Variants in ATXN7L3 observed in about 807,000 individuals in gnomAD.
The protein encoded by ATXN7L3 is ataxin-7-like protein 3.
In ATXN7L3, 6 loss-of-function variants were observed where a neutral mutation model predicts 50.0. That is an observed-to-expected ratio of 0.12 (90% CI 0.07 to 0.24). The LOEUF (loss-of-function observed/expected upper bound fraction) is 0.24. Among genes scored for constraint, ATXN7L3 ranks in the 10% least tolerant of loss-of-function variants. The probability of loss-of-function intolerance (pLI) is 1.00; values close to 1 mark genes in which losing one functional copy is unlikely to be tolerated. For synonymous variants in ATXN7L3, 198 were observed against 165.8 expected (o/e 1.19, Z -1.49); for missense variants, 322 against 451.3 (o/e 0.71, Z 2.60).
At chr17:44,197,768 C>A in intron 2 of ATXN7L3, 38 bp from the exon 3 acceptor site, 1 of 1,613,910 alleles carries the variant, frequency 6.2e-7, no homozygotes, top group Non-Finnish European at 8.5e-7. Context: ...TCACAAGAGT[C>A]ACAGCCCCCT....
At position 44,194,684 on chromosome 17, in the gene ATXN7L3, G is replaced by A; in HGVS notation, c.738-10C>T. ...GACCTCTGGAAGGACACTGGAAAGG[G>A]GATGAGCCAAAGAAGGGCTTTAGAG... On this transcript the variant is annotated splice_polypyrimidine_tract_variant and intron_variant, in intron 11 of 12. Transcript: ENST00000587097. 6.2e-7 allele frequency: 1 copy of A among 1,613,912 alleles called. No individual in the cohort carries two copies. Among genetic ancestry groups the A allele is most frequent in the Non-Finnish European group, 8.5e-7 (1 of 1,179,832 alleles).
At position 44,193,607 on chromosome 17, in the gene ATXN7L3, C is replaced by A. The variant is rs921153782; in HGVS notation, c.*656G>T. On this transcript the variant is annotated 3_prime_UTR_variant, in exon 13 of 13. Coordinates refer to ENST00000587097, the MANE Select transcript of ATXN7L3 (RefSeq NM_001382309.1). ...TTCCTGGCACCCAACAAAAGGACAG[C>A]TCCTGCTGCCAAGGAGGCCCATGGG... is the stretch of plus-strand genomic sequence containing the variant. 6.6e-6 allele frequency: 1 copy of A among 152,228 alleles called. No individual in the cohort carries two copies. The highest frequency in any genetic ancestry group is 1.9e-4 in the East Asian group (1 of 5,184). 9.4% of individuals were successfully genotyped at this position (152,228 alleles called of 1,614,324 possible).
At position 44,194,374 on chromosome 17, in the gene ATXN7L3, C is replaced by A; in HGVS notation, c.933G>T (p.Lys311Asn). Reference sequence around the variant, plus strand: ...TCCCTACCAGGCTCAGATGGGATTTCTTTTTCTTGGTTTTCCGTGACTCAG... The same window carrying A: ...TCCCTACCAGGCTCAGATGGGATTTATTTTTCTTGGTTTTCCGTGACTCAG... ...NSSESRKTKK[K>N]KSHLSLVGTA... is the part of the protein sequence containing the mutation. Residue 311 changes from lysine to asparagine, a missense_variant, in exon 13 of 13, where the codon AAG (lysine) becomes AAT (asparagine). Coordinates refer to ENST00000587097, the MANE Select transcript of ATXN7L3 (RefSeq NM_001382309.1). 6.2e-7 allele frequency: 1 copy of A among 1,614,200 alleles called. No individual in the cohort carries two copies. The highest frequency in any genetic ancestry group is 1.1e-5 in the South Asian group (1 of 91,090).
In ATXN7L3 at chr17:44,194,394, A is replaced by C. The variant is rs1176511456; in HGVS notation, c.913T>G (p.Ser305Ala). The C allele has an allele frequency of 6.2e-7, 1 of 1,614,094 alleles. No individual in the cohort carries two copies. The highest frequency in any genetic ancestry group is 1.7e-5 in the Admixed American group (1 of 60,020). Residue 305 changes from serine (S) to alanine (A), a missense_variant, in exon 13 of 13, where the codon TCA becomes GCA. Transcript: ENST00000587097. ...GWGLGTNSSE[S>A]RKTKKKKSHL... ...GATTTCTTTTTCTTGGTTTTCCGTG[A>C]CTCAGAGCTGTTGGTACCTGTAGAG...
At position 44,192,255 on chromosome 17, in the gene ATXN7L3, C is replaced by T. The variant is rs532950980; in HGVS notation, c.*2008G>A. ...AAAAGGGTTTGTTCCCTCAGGGTCC[C>T]TGCTGGACCAAGCCCATCTCTTACC... On this transcript the variant is annotated 3_prime_UTR_variant, in exon 13 of 13. Coordinates refer to ENST00000587097, the MANE Select transcript of ATXN7L3 (RefSeq NM_001382309.1). The T allele has an allele frequency of 2.6e-5, 4 of 152,410 alleles. No homozygotes were observed. The highest frequency in any genetic ancestry group is 9.6e-5 in the African/African-American group (4 of 41,570). The allele number at this position is 152,410 out of a possible 1,614,324, so 9.4% of individuals were successfully genotyped here.
Position 44,194,778 on chromosome 17 carries a change from C to T in ATXN7L3, c.727G>A (p.Gly243Arg), listed in dbSNP as rs375374643. Residue 243 changes from glycine (G) to arginine (R), a missense_variant, in exon 11 of 13, where the codon GGG becomes AGG. This residue lies in a region of ATXN7L3 where 24 missense variants were observed against 52.6 expected (regional missense o/e 0.46). Coordinates refer to ENST00000587097, the MANE Select transcript of ATXN7L3 (RefSeq NM_001382309.1). ...QRRTVRIYFL[G>R]PSAVLPEVES... is the part of the protein sequence containing the mutation. ...TGTAGGGCCACTTACGCCGAGGGCC[C>T]GAGAAAATAAATCCGTACGGTTCGC... is the stretch of plus-strand genomic sequence containing the variant. 6 of 1,614,090 alleles carry T rather than the reference C, an allele frequency of 3.7e-6. No individual in the cohort carries two copies. Among genetic ancestry groups the T allele is most frequent in the Non-Finnish European group, 5.1e-6 (6 of 1,180,004 alleles).
rs776859740 is a variant in ATXN7L3, at chr17:44,196,031, T to C, written c.523+3A>G. 5.0e-6 allele frequency: 8 copies of C among 1,609,780 alleles called. No individual in the cohort carries two copies. The highest frequency in any genetic ancestry group is 6.0e-6 in the Non-Finnish European group (7 of 1,176,330). On this transcript the variant is annotated splice_donor_region_variant and intron_variant, in intron 7 of 12. Coordinates refer to ENST00000587097, the MANE Select transcript of ATXN7L3 (RefSeq NM_001382309.1). ...GCATTCCCATTGCTCCGGCTCCACTTACCATTTTTGTGTTTTAATGACTTG... is the reference window on the plus strand; with the variant it reads ...GCATTCCCATTGCTCCGGCTCCACTCACCATTTTTGTGTTTTAATGACTTG...
intron 8 of ATXN7L3, 55 bp downstream of exon 8, chr17:44,195,745 C>T (rs2055862556): frequency 1.9e-6 from 3 of 1,545,510 alleles, no homozygotes; most frequent in African/African-American, 1.4e-5. Flanking sequence ...TCCAAATCCC[C>T]ACCACCTCAC....
chr17:44,194,987 G>A (rs1005342809), intron 10 of ATXN7L3, 110 bp downstream of exon 10: 11 of 1,479,154 alleles, frequency 7.4e-6, no homozygotes, highest in South Asian at 2.3e-5. Flanking sequence ...ATTAGAGGAG[G>A]GAAGGGGAAG....
At chr17:44,197,463 G>T (rs2055951400) in intron 3 of ATXN7L3, 64 bp from the exon 4 acceptor site, 2 of 1,571,306 alleles carry the variant, frequency 1.3e-6, no homozygotes, top group African/African-American at 1.4e-5. Flanking sequence ...CCCACCTGGG[G>T]TCCCACGGCC....
Position 44,197,617 on chromosome 17 carries a change from A to G in ATXN7L3, c.165T>C (p.Pro55=), listed in dbSNP as rs2055960552. 6.2e-7 allele frequency: 1 copy of G among 1,614,132 alleles called. No individual in the cohort carries two copies. Among genetic ancestry groups the G allele is most frequent in the Non-Finnish European group, 8.5e-7 (1 of 1,180,050 alleles). The change falls in exon 3 of 13, where the codon CCT becomes CCC. Residue 55 remains proline (P), a synonymous_variant. Transcript: ENST00000587097. ...GCTCACCAAAATCCTTCATGCTATC[A>G]GGGTCCGTGTCGTCCAAGAAGAAGT... ...CGYFFLDDTD[P]DSMKDFEIVD...
At position 44,194,907 on chromosome 17, in the gene ATXN7L3, G is replaced by A. The variant is rs532831353; in HGVS notation, c.666-68C>T. The stretch of plus-strand genomic sequence containing the variant: ...TAAAGCCCCTCCCCTCGGCAAGGCA[G>A]GAGCCACAGGCACAGACAGGGAAGG... On this transcript the variant is annotated intron_variant, in intron 10 of 12. Coordinates refer to ENST00000587097, the MANE Select transcript of ATXN7L3 (RefSeq NM_001382309.1). 269 of 1,567,290 alleles carry A rather than the reference G, an allele frequency of 1.7e-4. 5 individuals are homozygous for A. In the South Asian group the frequency reaches 2.7e-3, roughly 16 times the overall value.
intron 1 of ATXN7L3, 29 bp from the exon 2 acceptor site, chr17:44,198,159 G>C: frequency 7.5e-7 from 1 of 1,335,756 alleles, no homozygotes; most frequent in African/African-American, 1.5e-5. Context: ...GGGTGTTGTT[G>C]TGAGTCCAAG....
rs2055989079 is a variant in ATXN7L3 at position 44,198,128 on chromosome 17, C to T, written c.-58G>A. ...GCTCATAGCACAGCGGGCGGCAACA[C>T]GGCTGCACACACGGGGGTGGGGGTG... On this transcript the variant is annotated splice_region_variant and 5_prime_UTR_variant, in exon 2 of 13. In the 5' UTR this introduces an upstream ATG that the reference lacks. Transcript: ENST00000587097. 2 of 1,550,344 alleles carry T rather than the reference C, an allele frequency of 1.3e-6. No individual in the cohort carries two copies. The highest frequency in any genetic ancestry group is 1.8e-6 in the Non-Finnish European group (2 of 1,125,904).
chr17:44,199,759 G>T lies in ATXN7L3; in HGVS notation c.-324C>A, dbSNP rs1449320479. 7.3e-6 allele frequency: 1 copy of T among 137,892 alleles called. No homozygotes were observed. The highest frequency in any genetic ancestry group is 1.6e-5 in the Non-Finnish European group (1 of 63,016). The allele number at this position is 137,892 out of a possible 1,614,324, so 8.5% of individuals were successfully genotyped here. A position where few individuals can be genotyped will look rare whatever the true frequency, so the allele number is the denominator to read the frequency against. On this transcript the variant is annotated 5_prime_UTR_variant, in exon 1 of 13. Transcript: ENST00000587097. ...CCCGCCCGCGCGCAGTCCGCGCGCC[G>T]TCCGCGCGCCCCTCCCCCCGCCCCC...
intron 1 of ATXN7L3, 121 bp downstream of exon 1, chr17:44,199,375 G>GAGGGGA (rs2056058689): frequency 6.6e-6 from 1 of 150,610 alleles, no homozygotes; most frequent in South Asian, 2.1e-4. Context: ...GGCCCGGGGG[G>GAGGGGA]AGGGGAAGGG....
At chr17:44,196,196 C>CTGGGGAGGAA in intron 6 of ATXN7L3, 117 bp from the exon 7 acceptor site, 1 of 1,320,448 alleles carries the variant, frequency 7.6e-7, no homozygotes, top group Non-Finnish European at 1.1e-6. Flanking sequence ...CTCTTCCTCC[C>CTGGGGAGGAA]CAGTAGGAGG....
chr17:44,195,757 A>C (rs777512259), intron 8 of ATXN7L3, 43 bp downstream of exon 8: 1 of 1,565,314 alleles, frequency 6.4e-7, no homozygotes, highest in South Asian at 1.1e-5. Context: ...CCACCTCACA[A>C]CCAGGACAAT....
chr17:44,196,966 G>T lies in ATXN7L3; in HGVS notation c.417C>A (p.Ile139=). The change falls in exon 5 of 13, where the codon ATC becomes ATA. Residue 139 remains isoleucine (I), a synonymous_variant. Coordinates refer to ENST00000587097, the MANE Select transcript of ATXN7L3 (RefSeq NM_001382309.1). ...SESDQEDNDD[I]NDNDWSYGSE... ...AGCCATAGGACCAGTCGTTGTCATT[G>T]ATGTCATCATTATCTTCTTGGTCAC... 1 of 1,612,974 alleles carries T rather than the reference G, an allele frequency of 6.2e-7. No homozygotes were observed. Among genetic ancestry groups the T allele is most frequent in the Non-Finnish European group, 8.5e-7 (1 of 1,179,434 alleles).
Sources: allele counts gnomAD v4.1 joint callset, GRCh38; gene constraint gnomAD v4.1.1; regional missense constraint gnomAD v4.1.1; transcripts MANE v1.5; gene names NCBI Gene and HGNC (gene_info 2026-07-23, HGNC 2026-07-21).